Variants in NBAS observed in about 807,000 individuals in gnomAD.
NBAS encodes the protein NAG/BC035112 fusion.
NBAS carries 219 observed loss-of-function variants against 302.5 expected under a neutral mutation model. That is an observed-to-expected ratio of 0.72 (90% CI 0.65 to 0.81). The LOEUF is 0.81. Among genes scored for constraint, NBAS ranks in the 30% least tolerant of loss-of-function variants. NBAS has a pLI of 0.00. For synonymous variants in NBAS, 1,118 were observed against 1,021.6 expected (o/e 1.09, Z -1.80); for missense variants, 2,932 against 2,841.6 (o/e 1.03, Z -0.72).
At chr2:15,034,235 G>GAAAGAAAGAAAAAA in the NBAS span, among the ~76,000 whole-genome samples, 2 of 81,636 alleles carry the variant, frequency 2.4e-5, no homozygotes, top group Admixed American at 1.3e-4. Flanking sequence ...AAAGAAAGAA[G>GAAAGAAAGAAAAAA]GAAAGAAAGA....
chr2:15,414,988 C>T (rs558136945), intron 25 of NBAS, among the ~76,000 whole-genome samples: 4 of 152,208 alleles, frequency 2.6e-5, no homozygotes, highest in East Asian at 1.9e-4. Flanking sequence ...CTTATGAGAA[C>T]TTAAGAATTT....
chr2:15,236,879 G>C (rs1667620526), intron 45 of NBAS, among the ~76,000 whole-genome samples: 1 of 151,914 alleles, frequency 6.6e-6, no homozygotes, highest in East Asian at 1.9e-4. Context: ...AACACAAAAT[G>C]AATAAAATTT....
chr2:15,179,038 C>G lies in NBAS; in HGVS notation c.6790G>C (p.Asp2264His), dbSNP rs145372749. The change falls in exon 51 of 52, where the codon GAT (aspartate) becomes CAT (histidine). Residue 2264 changes from aspartate (D) to histidine (H), a missense_variant. By Grantham distance (81) the Asp-to-His change is moderately conservative (BLOSUM62 -1). Coordinates refer to ENST00000281513, the MANE Select transcript of NBAS (RefSeq NM_015909.4). ...AGTGCCATCTCGTGCAGATGCTCAT[C>G]TCGGCTCTCGAGGAGAAGTTTCAGA... Reference protein sequence around the residue: ...PSLKLLLESRDEHLHEMALEQ... With the variant: ...PSLKLLLESRHEHLHEMALEQ... The G allele has an allele frequency of 4.9e-4, 786 of 1,614,032 alleles. 3 individuals carry two copies. The African/African-American group carries it at 8.4e-3, about 17-fold the overall frequency.
At chr2:14,855,340 G>C in the NBAS span, among the ~76,000 whole-genome samples, 2 of 152,102 alleles carry the variant, frequency 1.3e-5, no homozygotes, top group African/African-American at 4.8e-5. Flanking sequence ...CACCTAACCA[G>C]CTGTGGTGTC....
chr2:15,178,485 T>C (rs1664659588), intron 51 of NBAS, among the ~76,000 whole-genome samples: 1 of 152,196 alleles, frequency 6.6e-6, no homozygotes. Flanking sequence ...CTCCAGTACA[T>C]TACTCTTCAA....
At position 15,305,449 on chromosome 2, in the gene NBAS, G is replaced by GTTTT. The variant is rs35136896; in HGVS notation, c.4797+2763_4797+2766dup. On this transcript the variant is annotated intron_variant, in intron 40 of 51. Transcript: ENST00000281513. ...TTTATAAATTACTCAGTCTCGAGCA[G>GTTTT]TTTTTTTTTTTTTTTTTTTTTAGAT... Among the ~76,000 whole-genome samples the GTTTT allele has an allele frequency of 9.1e-4, 113 of 123,770 alleles. 1 individual carries two copies. Among genetic ancestry groups the GTTTT allele is most frequent in the Non-Finnish European group, 1.4e-3 (83 of 59,584 alleles). 81.2% of individuals were successfully genotyped at this position (123,770 alleles called of 152,430 possible). A position where few individuals can be genotyped will look rare whatever the true frequency, so the allele number is the denominator to read the frequency against.
the NBAS span, among the ~76,000 whole-genome samples, chr2:15,130,536 C>T: frequency 6.6e-6 from 1 of 152,238 alleles, no homozygotes; most frequent in South Asian, 2.1e-4. Flanking sequence ...CTTTACAACT[C>T]TTGGAGGCAG....
Position 15,473,167 on chromosome 2 carries a change from A to G in NBAS, c.1725+55T>C, listed in dbSNP as rs964308751. 2.5e-5 allele frequency: 39 copies of G among 1,591,740 alleles called. No homozygotes were observed. In the South Asian group the frequency reaches 4.1e-4, roughly 17 times the overall value. ...TACTCTAAAATGAAGCCCTATAAAC[A>G]AAAGATATTACATGAATATACATTT... On this transcript the variant is annotated intron_variant, in intron 16 of 51. Coordinates refer to ENST00000281513, the MANE Select transcript of NBAS (RefSeq NM_015909.4).
chr2:15,393,990 A>T (rs1346380745), intron 28 of NBAS, among the ~76,000 whole-genome samples: 1 of 152,094 alleles, frequency 6.6e-6, no homozygotes, highest in Non-Finnish European at 1.5e-5. Flanking sequence ...GAGAGAAAGG[A>T]TTCTAAAGGA....
the NBAS span, among the ~76,000 whole-genome samples, chr2:15,045,691 CT>C: frequency 4.3e-3 from 662 of 152,246 alleles, 1 homozygote; most frequent in South Asian, 0.012. Flanking sequence ...GCAGATATCT[CT>C]ATGAGGTGCT....
chr2:15,060,189 C>T, the NBAS span, among the ~76,000 whole-genome samples: 1 of 152,114 alleles, frequency 6.6e-6, no homozygotes, highest in Non-Finnish European at 1.5e-5. Flanking sequence ...TCTGTAAGCT[C>T]ACTTTGGAAA....
At chr2:15,127,112 G>A in the NBAS span, among the ~76,000 whole-genome samples, 1 of 152,184 alleles carries the variant, frequency 6.6e-6, no homozygotes, top group African/African-American at 2.4e-5. Context: ...AGAGGATCCT[G>A]CACTTGGTTT....
intron 44 of NBAS, among the ~76,000 whole-genome samples, chr2:15,247,417 C>T (rs1234219858): frequency 6.6e-5 from 10 of 152,040 alleles, no homozygotes; most frequent in Admixed American, 6.6e-4. Flanking sequence ...AGGCTAAATG[C>T]CCCAATTAAA....
the NBAS span, among the ~76,000 whole-genome samples, chr2:14,914,640 G>C: frequency 5.3e-5 from 8 of 152,136 alleles, no homozygotes; most frequent in Admixed American, 4.6e-4. Flanking sequence ...TTTATGAGAT[G>C]TCAAGAACTG....
the NBAS span, among the ~76,000 whole-genome samples, chr2:15,155,285 T>C: frequency 6.6e-6 from 1 of 152,172 alleles, no homozygotes; most frequent in Admixed American, 6.5e-5. Context: ...CAGCACATAG[T>C]AGGGATTTGA....
chr2:15,026,006 T>C, the NBAS span, among the ~76,000 whole-genome samples: 2 of 152,306 alleles, frequency 1.3e-5, no homozygotes, highest in African/African-American at 4.8e-5. Flanking sequence ...CCACATTGAA[T>C]AGGAGTGTTG....
At chr2:15,501,508 T>C (rs1572937423) in intron 11 of NBAS, among the ~76,000 whole-genome samples, 2 of 152,158 alleles carry the variant, frequency 1.3e-5, no homozygotes, top group South Asian at 4.1e-4. Context: ...TTGGCTATTT[T>C]ATGTATATTA....
chr2:14,891,096 G>A, the NBAS span, among the ~76,000 whole-genome samples: 119 of 152,264 alleles, frequency 7.8e-4, no homozygotes, highest in African/African-American at 2.7e-3. Flanking sequence ...CTATATTAGC[G>A]TAAATATGTT....
At chr2:15,219,084 T>A (rs1438098376) in intron 47 of NBAS, 116 bp from the exon 48 acceptor site, 6 of 1,324,544 alleles carry the variant, frequency 4.5e-6, no homozygotes, top group Non-Finnish European at 6.3e-6. Flanking sequence ...TTCGTTTTTT[T>A]CCTCTTGAAA....
Sources: allele counts gnomAD v4.1 joint callset (sites outside exome capture counted in the v4.1 genomes callset), GRCh38; gene constraint gnomAD v4.1.1; transcripts MANE v1.5; gene names NCBI Gene and HGNC (gene_info 2026-07-23, HGNC 2026-07-21).